ADGRF5: variants seen among roughly 807,000 people sequenced by gnomAD.
ADGRF5 encodes the protein G-protein coupled receptor 116.
Under a neutral mutation model 132.3 loss-of-function variants are expected in ADGRF5, and 75 were observed. That is an observed-to-expected ratio of 0.57 (90% CI 0.47 to 0.69). The LOEUF (loss-of-function observed/expected upper bound fraction) is 0.69. Ranked by LOEUF, ADGRF5 falls within the 30% of genes least tolerant of loss-of-function variation. The pLI is 0.00. For synonymous variants in ADGRF5, 629 were observed against 597.6 expected (o/e 1.05, Z -0.77); for missense variants, 1,516 against 1,630.6 (o/e 0.93, Z 1.21).
chr6:46,936,656 G>A (rs559704622), intron 1 of ADGRF5, among the ~76,000 whole-genome samples: 1 of 152,314 alleles, frequency 6.6e-6, no homozygotes, highest in South Asian at 2.1e-4. Context: ...TCCCCTAGGA[G>A]TCTGCACTCT....
chr6:46,867,178 T>A, intron 12 of ADGRF5, 41 bp from the exon 13 acceptor site: 1 of 1,169,952 alleles, frequency 8.5e-7, no homozygotes, highest in Non-Finnish European at 1.3e-6. Flanking sequence ...ATGGAAATAA[T>A]CGCCCTTCAA....
chr6:46,890,436 G>A (rs535721102), intron 3 of ADGRF5, among the ~76,000 whole-genome samples: 2 of 152,076 alleles, frequency 1.3e-5, no homozygotes, highest in Non-Finnish European at 2.9e-5. Flanking sequence ...GAAAAAAGTA[G>A]GGCGGGCGCC....
chr6:46,954,913 G>C (rs538595116), exon 1 of ADGRF5: 2 of 151,696 alleles, frequency 1.3e-5, no homozygotes. Context: ...CCAGGCTGTC[G>C]GGAGCAGAGG....
chr6:46,909,402 T>C (rs1393139202), intron 1 of ADGRF5, among the ~76,000 whole-genome samples: 1 of 152,226 alleles, frequency 6.6e-6, no homozygotes, highest in Admixed American at 6.5e-5. Flanking sequence ...CTGGGAAATA[T>C]GCCCTAGCCC....
At chr6:46,953,651 G>GTGTGTATATATATATA (rs1373212107) in intron 1 of ADGRF5, among the ~76,000 whole-genome samples, 2 of 42,196 alleles carry the variant, frequency 4.7e-5, no homozygotes, top group African/African-American at 1.4e-4. Flanking sequence ...AGATATATGT[G>GTGTGTATATATATATA]TATATATATA....
At chr6:46,882,952 T>C (rs770201612) in intron 6 of ADGRF5, among the ~76,000 whole-genome samples, 1 of 152,194 alleles carries the variant, frequency 6.6e-6, no homozygotes, top group African/African-American at 2.4e-5. Context: ...AGCCCACCTG[T>C]AATAATCTGT....
intron 1 of ADGRF5, among the ~76,000 whole-genome samples, chr6:46,949,634 T>C (rs1778423758): frequency 3.3e-5 from 5 of 152,222 alleles, no homozygotes; most frequent in African/African-American, 1.2e-4. Context: ...CTTTTTCACA[T>C]TTTAAAGTTA....
At chr6:46,857,006 T>G (rs867725592) in intron 17 of ADGRF5, 98 bp from the exon 18 acceptor site, 1 of 889,980 alleles carries the variant, frequency 1.1e-6, no homozygotes. Flanking sequence ...TTTGTACTAC[T>G]TCTTTTTCCT....
chr6:46,932,867 C>T (rs987655194), intron 1 of ADGRF5, among the ~76,000 whole-genome samples: 1 of 152,086 alleles, frequency 6.6e-6, no homozygotes, highest in African/African-American at 2.4e-5. Context: ...TTTAAAATGC[C>T]CTTTCAAGAA....
chr6:46,924,838 T>A (rs1561826169), upstream of ADGRF5, among the ~76,000 whole-genome samples: 1 of 152,208 alleles, frequency 6.6e-6, no homozygotes, highest in Non-Finnish European at 1.5e-5. Context: ...TTACATTTAA[T>A]TTGTCATCAA....
At chr6:46,898,528 A>G (rs1439586434) in intron 3 of ADGRF5, among the ~76,000 whole-genome samples, 1 of 152,208 alleles carries the variant, frequency 6.6e-6, no homozygotes, top group East Asian at 1.9e-4. Flanking sequence ...AGGGCTAAGA[A>G]AACAAAGGCT....
Position 46,888,503 on chromosome 6 carries a change from C to T in ADGRF5, c.160G>A (p.Ala54Thr). The T allele has an allele frequency of 6.2e-7, 1 of 1,610,508 alleles. No individual in the cohort carries two copies. The highest frequency in any genetic ancestry group is 8.5e-7 in the Non-Finnish European group (1 of 1,176,888). The change falls in exon 4 of 21, where the codon GCC (alanine) becomes ACC (threonine). Residue 54 changes from alanine (A) to threonine (T), a missense_variant and splice_region_variant. Ala to Thr is a moderately conservative substitution (Grantham distance 58). This residue lies in a region of ADGRF5 where 945 missense variants were observed against 929.4 expected (regional missense o/e 1.02). Transcript: ENST00000283296. Reference sequence around the variant, plus strand: ...TCTTCAGCCGTAGGACTTTTTGTGGCAACTGCAATGAAAGCACATGAAGGC... The same window carrying T: ...TCTTCAGCCGTAGGACTTTTTGTGGTAACTGCAATGAAAGCACATGAAGGC... ...EEALRQKRAV[A>T]TKSPTAEEYT...
At chr6:46,926,728 GA>G (rs1777268340), upstream of ADGRF5, among the ~76,000 whole-genome samples, 1 of 152,134 alleles carries the variant, frequency 6.6e-6, no homozygotes, top group Non-Finnish European at 1.5e-5. Context: ...CATAATTTCA[GA>G]ATCATCGACT....
chr6:46,859,675 T>G (rs1769501282), intron 16 of ADGRF5, 152 bp from the exon 17 acceptor site: 2 of 599,434 alleles, frequency 3.3e-6, no homozygotes, highest in East Asian at 5.6e-5. Context: ...ATGTATGACC[T>G]TCTTATGGCA....
intron 1 of ADGRF5, among the ~76,000 whole-genome samples, chr6:46,928,187 G>T (rs990351888): frequency 6.6e-5 from 10 of 152,136 alleles, no homozygotes; most frequent in African/African-American, 2.4e-4. Flanking sequence ...CTTTTCTCCA[G>T]CTTGTGGAAG....
chr6:46,867,236 G>A (rs938017212), intron 12 of ADGRF5, 99 bp from the exon 13 acceptor site: 1 of 692,870 alleles, frequency 1.4e-6, no homozygotes, highest in East Asian at 2.7e-5. Context: ...TCCCTCTCAA[G>A]CTTTAGTAAA....
chr6:46,883,794 T>C, intron 5 of ADGRF5, 129 bp from the exon 6 acceptor site: 1 of 615,818 alleles, frequency 1.6e-6, no homozygotes, highest in Non-Finnish European at 2.8e-6. Flanking sequence ...CAGGCTGGAG[T>C]GCAACGGCAC....
intron 1 of ADGRF5, among the ~76,000 whole-genome samples, chr6:46,928,717 G>A (rs1419137049): frequency 6.6e-6 from 1 of 152,022 alleles, no homozygotes; most frequent in Admixed American, 6.6e-5. Context: ...TTCTAAAGAC[G>A]GTTTCTTCCC....
At chr6:46,935,394 A>AC (rs1310750862) in intron 1 of ADGRF5, among the ~76,000 whole-genome samples, 1 of 151,744 alleles carries the variant, frequency 6.6e-6, no homozygotes. Flanking sequence ...CTTGAGGGAA[A>AC]CCCCCACCAC....
Sources: gnomAD v4.1 joint callset for allele counts (sites outside exome capture counted in the v4.1 genomes callset) on GRCh38, gnomAD v4.1.1 for gene constraint, gnomAD v4.1.1 regional missense constraint, MANE v1.5 for transcripts, NCBI Gene and HGNC (gene_info 2026-07-23, HGNC 2026-07-21) for gene names.